The following ARMH3 variants were observed in gnomAD, a reference collection of about 807,000 sequenced individuals.
ARMH3 encodes the protein armadillo like helical domain containing 3, also known as armadillo-like helical domain-containing protein 3.
In ARMH3, 60 loss-of-function variants were observed where a neutral mutation model predicts 99.1. That is an observed-to-expected ratio of 0.61 (90% confidence interval 0.49 to 0.75). The LOEUF is 0.75. Ranked by LOEUF, ARMH3 falls within the 30% of genes least tolerant of loss-of-function variation. ARMH3 has a pLI of 0.00. For missense variants in ARMH3, 679 were observed against 843.1 expected, an observed-to-expected ratio of 0.81 and a Z score of 2.41; for synonymous variants, 285 against 292.8, an observed-to-expected ratio of 0.97 and a Z score of 0.27.
chr10:101,958,269 A>G (rs1426771487), intron 20 of ARMH3, among the ~76,000 whole-genome samples: 1 of 152,200 alleles, frequency 6.6e-6, no homozygotes, highest in Non-Finnish European at 1.5e-5. Flanking sequence ...AAAGCCCTTA[A>G]CTGCTCTAAC....
At chr10:101,848,715 C>T (rs1422130720) in intron 25 of ARMH3, among the ~76,000 whole-genome samples, 1 of 152,082 alleles carries the variant, frequency 6.6e-6, no homozygotes, top group Non-Finnish European at 1.5e-5. Context: ...TGAGTAAGGC[C>T]GTGGTGAGTG....
intron 19 of ARMH3, among the ~76,000 whole-genome samples, chr10:101,982,983 T>A (rs553703398): frequency 1.1e-4 from 17 of 152,352 alleles, no homozygotes; most frequent in African/African-American, 3.8e-4. Context: ...TTGTCTTCCA[T>A]GAAACTGGTT....
At chr10:101,944,317 G>C (rs1449172305) in intron 22 of ARMH3, among the ~76,000 whole-genome samples, 2 of 116,208 alleles carry the variant, frequency 1.7e-5, no homozygotes. Flanking sequence ...GAGAGAGAGA[G>C]AGAGAGAGAG....
chr10:101,906,589 G>C (rs1031247181), intron 23 of ARMH3, among the ~76,000 whole-genome samples: 4 of 152,218 alleles, frequency 2.6e-5, no homozygotes, highest in African/African-American at 9.6e-5. Flanking sequence ...AGAACCTACT[G>C]ACTGGGTAGC....
intron 20 of ARMH3, among the ~76,000 whole-genome samples, chr10:101,960,803 T>C (rs1416248231): frequency 6.7e-6 from 1 of 148,616 alleles, no homozygotes; most frequent in Non-Finnish European, 1.5e-5. Context: ...GGCAGGAGAA[T>C]CGCTTGAACC....
intron 1 of ARMH3, among the ~76,000 whole-genome samples, chr10:102,048,591 T>TA (rs879844201): frequency 6.6e-6 from 1 of 152,134 alleles, no homozygotes; most frequent in Admixed American, 6.5e-5. Context: ...CACACCCAGC[T>TA]AATTTTAGTA....
intron 24 of ARMH3, among the ~76,000 whole-genome samples, chr10:101,882,744 G>A (rs375641144): frequency 1.2e-4 from 19 of 152,084 alleles, no homozygotes; most frequent in African/African-American, 3.1e-4. Flanking sequence ...TGATCTGCCC[G>A]CCTTGCCCGC....
intron 23 of ARMH3, among the ~76,000 whole-genome samples, chr10:101,899,861 A>T (rs1225536406): frequency 1.3e-5 from 2 of 152,192 alleles, no homozygotes; most frequent in Non-Finnish European, 1.5e-5. Context: ...ATGGAACCTT[A>T]GTTAGTATAA....
chr10:101,910,442 A>G (rs943733314), intron 23 of ARMH3, among the ~76,000 whole-genome samples: 1 of 152,160 alleles, frequency 6.6e-6, no homozygotes, highest in African/African-American at 2.4e-5. Flanking sequence ...CTAAAATCTC[A>G]AGGTGGGCTG....
At chr10:101,976,263 C>T (rs903808876) in intron 19 of ARMH3, among the ~76,000 whole-genome samples, 1 of 150,382 alleles carries the variant, frequency 6.6e-6, no homozygotes, top group African/African-American at 2.4e-5. Flanking sequence ...TCGCTTGAAC[C>T]TAGGAAGCAA....
At chr10:101,932,440 G>T (rs1843759976) in intron 23 of ARMH3, among the ~76,000 whole-genome samples, 1 of 152,146 alleles carries the variant, frequency 6.6e-6, no homozygotes, top group Admixed American at 6.5e-5. Flanking sequence ...TGAAAGCAGA[G>T]TCTCAAAGAG....
intron 1 of ARMH3, among the ~76,000 whole-genome samples, chr10:102,043,081 A>G (rs776585094): frequency 6.6e-6 from 1 of 152,222 alleles, no homozygotes; most frequent in Non-Finnish European, 1.5e-5. Context: ...TCTAAGAAAA[A>G]GTAAAATATC....
At chr10:101,849,920 C>CA in intron 24 of ARMH3, 28 bp from the exon 25 acceptor site, 1 of 1,601,356 alleles carries the variant, frequency 6.2e-7, no homozygotes, top group East Asian at 2.2e-5. Flanking sequence ...CCAGGCAGGG[C>CA]TTAGGCCATG....
At chr10:101,894,128 G>C (rs745680329) in intron 23 of ARMH3, among the ~76,000 whole-genome samples, 1 of 152,164 alleles carries the variant, frequency 6.6e-6, no homozygotes, top group African/African-American at 2.4e-5. Flanking sequence ...TACCCACAAA[G>C]GCAGTATATG....
chr10:101,980,247 T>G (rs1392519975), intron 19 of ARMH3, among the ~76,000 whole-genome samples: 1 of 152,176 alleles, frequency 6.6e-6, no homozygotes, highest in Non-Finnish European at 1.5e-5. Context: ...CTAGGTAAAC[T>G]GCTAGTTTCA....
At chr10:102,011,867 G>T in intron 10 of ARMH3, 84 bp from the exon 11 acceptor site, 1 of 1,110,170 alleles carries the variant, frequency 9.0e-7, no homozygotes, top group Non-Finnish European at 1.3e-6. Context: ...TCAGGGCAGA[G>T]CACTCTTAAA....
At chr10:101,930,323 T>TA (rs1414903148) in intron 23 of ARMH3, among the ~76,000 whole-genome samples, 3 of 152,060 alleles carry the variant, frequency 2.0e-5, no homozygotes, top group Admixed American at 6.5e-5. Flanking sequence ...TTCAACCTGA[T>TA]AAAGAGTATC....
intron 23 of ARMH3, among the ~76,000 whole-genome samples, chr10:101,902,187 G>T (rs2067997735): frequency 6.6e-6 from 1 of 152,104 alleles, no homozygotes; most frequent in African/African-American, 2.4e-5. Context: ...CAAAATGAAA[G>T]CCCCAAATTG....
intron 24 of ARMH3, among the ~76,000 whole-genome samples, chr10:101,873,360 C>T (rs1376837341): frequency 2.6e-5 from 4 of 151,738 alleles, no homozygotes; most frequent in Admixed American, 6.6e-5. Context: ...TGCAGTGAGC[C>T]GAGATCGCGC....
Sources: allele counts gnomAD v4.1 joint callset (sites outside exome capture counted in the v4.1 genomes callset), GRCh38; gene constraint gnomAD v4.1.1; transcripts MANE v1.5; gene names NCBI Gene and HGNC (gene_info 2026-07-23, HGNC 2026-07-21).